GPR158: variants seen among roughly 807,000 people sequenced by gnomAD.
The protein encoded by GPR158 is metabotropic glycine receptor.
A neutral mutation model predicts 78.2 loss-of-function variants in GPR158; 30 were observed. The observed-to-expected ratio is 0.38, with a 90% CI of 0.29 to 0.52. The LOEUF (loss-of-function observed/expected upper bound fraction) is 0.52, where lower values mean the gene tolerates loss of function less well. Ranked by LOEUF, GPR158 falls within the 20% of genes least tolerant of loss-of-function variation. The pLI, the probability that GPR158 is intolerant of heterozygous loss-of-function variation, is 0.83. For synonymous variants in GPR158, 581 were observed against 591.1 expected (o/e 0.98, Z 0.25); for missense variants, 1,463 against 1,523.5 (o/e 0.96, Z 0.66).
intron 2 of GPR158, among the ~76,000 whole-genome samples, chr10:25,281,913 G>A (rs1477150126): frequency 6.6e-6 from 1 of 152,130 alleles, no homozygotes; most frequent in Non-Finnish European, 1.5e-5. Flanking sequence ...TGTAGACATA[G>A]AAATATAATC....
At chr10:25,186,221 C>T (rs574684802) in intron 1 of GPR158, among the ~76,000 whole-genome samples, 24 of 152,238 alleles carry the variant, frequency 1.6e-4, no homozygotes, top group African/African-American at 5.8e-4. Context: ...ACATTTAAAG[C>T]GGTGTGTAGA....
intron 3 of GPR158, among the ~76,000 whole-genome samples, chr10:25,398,385 C>G (rs905969218): frequency 6.6e-6 from 1 of 152,094 alleles, no homozygotes; most frequent in African/African-American, 2.4e-5. Flanking sequence ...TGGCATTTTT[C>G]ACGTTTATGG....
intron 7 of GPR158, among the ~76,000 whole-genome samples, chr10:25,584,418 G>A (rs1357597337): frequency 6.6e-6 from 1 of 152,078 alleles, no homozygotes; most frequent in African/African-American, 2.4e-5. Context: ...ATATTGTTTG[G>A]TATTGCTAAT....
intron 2 of GPR158, among the ~76,000 whole-genome samples, chr10:25,383,682 C>G (rs1773622): frequency 0.53 from 80,838 of 152,028 alleles, 25,308 homozygotes; most frequent in Non-Finnish European, 0.73. Flanking sequence ...AATTAATAAT[C>G]TTCCCTTATT....
At chr10:25,379,646 G>GCTT (rs1834127915) in intron 2 of GPR158, among the ~76,000 whole-genome samples, 1 of 44,802 alleles carries the variant, frequency 2.2e-5, no homozygotes, top group Non-Finnish European at 5.0e-5. Context: ...TTGAGGATTA[G>GCTT]CTTTTTTTTT....
At chr10:25,364,267 A>C (rs141776353) in intron 2 of GPR158, among the ~76,000 whole-genome samples, 50 of 152,008 alleles carry the variant, frequency 3.3e-4, no homozygotes, top group African/African-American at 1.1e-3. Flanking sequence ...CTTCTCAATG[A>C]TTCATCCAAA....
At chr10:25,295,259 C>T (rs1278894641) in intron 2 of GPR158, among the ~76,000 whole-genome samples, 1 of 152,196 alleles carries the variant, frequency 6.6e-6, no homozygotes, top group African/African-American at 2.4e-5. Context: ...TATCCATAGT[C>T]CAAACCATCA....
At chr10:25,367,286 C>A (rs1855737765) in intron 2 of GPR158, among the ~76,000 whole-genome samples, 1 of 151,644 alleles carries the variant, frequency 6.6e-6, no homozygotes, top group Non-Finnish European at 1.5e-5. Context: ...CATACATCAT[C>A]ACTCCTTGGG....
At chr10:25,243,236 T>C (rs1853648954) in intron 2 of GPR158, among the ~76,000 whole-genome samples, 2 of 152,248 alleles carry the variant, frequency 1.3e-5, no homozygotes, top group South Asian at 4.1e-4. Context: ...CTAGAATGTT[T>C]CTTTACCCTT....
At chr10:25,545,898 G>A (rs1461977967) in intron 5 of GPR158, among the ~76,000 whole-genome samples, 3 of 152,098 alleles carry the variant, frequency 2.0e-5, no homozygotes, top group Admixed American at 6.6e-5. Context: ...GCCCTCGTGC[G>A]CCTTTATAAA....
intron 2 of GPR158, among the ~76,000 whole-genome samples, chr10:25,251,446 T>C (rs1695059644): frequency 6.6e-6 from 1 of 152,108 alleles, no homozygotes; most frequent in African/African-American, 2.4e-5. Context: ...TTGCAGCGGC[T>C]GGTACTGGTT....
At chr10:25,358,020 G>T (rs1430494385) in intron 2 of GPR158, among the ~76,000 whole-genome samples, 3 of 152,134 alleles carry the variant, frequency 2.0e-5, no homozygotes. Flanking sequence ...TGACCTGCAT[G>T]TGAGACATGG....
intron 4 of GPR158, among the ~76,000 whole-genome samples, chr10:25,423,577 G>C (rs941045071): frequency 6.6e-6 from 1 of 151,936 alleles, no homozygotes; most frequent in African/African-American, 2.4e-5. Flanking sequence ...GATGTTTGCT[G>C]CCCTGTGTCC....
chr10:25,177,353 G>A (rs929342792), intron 1 of GPR158, among the ~76,000 whole-genome samples: 2 of 152,176 alleles, frequency 1.3e-5, no homozygotes, highest in Non-Finnish European at 2.9e-5. Context: ...GGCCCAAGAT[G>A]AACTGAGATC....
intron 2 of GPR158, among the ~76,000 whole-genome samples, chr10:25,306,250 G>C (rs1265443669): frequency 1.3e-5 from 2 of 152,060 alleles, no homozygotes; most frequent in African/African-American, 4.8e-5. Context: ...TTTATCTCTT[G>C]ATTGGCTTTT....
chr10:25,492,925 C>T lies in GPR158; in HGVS notation c.1404+26206C>T, dbSNP rs1198119307. On this transcript the variant is annotated intron_variant, in intron 5 of 10. Coordinates refer to ENST00000376351, the MANE Select transcript of GPR158 (RefSeq NM_020752.3). Reference sequence around the variant, plus strand: ...ATTAATATATAATATATTTCAATATCCAATTTTTGGATAAGAGACTGCCTA... The same window carrying T: ...ATTAATATATAATATATTTCAATATTCAATTTTTGGATAAGAGACTGCCTA... Among the ~76,000 whole-genome samples the T allele has an allele frequency of 3.3e-5, 5 of 149,290 alleles. No individual in the cohort carries two copies. The South Asian group carries it at 1.0e-3, about 31-fold the overall frequency.
At chr10:25,532,605 T>C (rs1008510039) in intron 5 of GPR158, among the ~76,000 whole-genome samples, 1 of 152,166 alleles carries the variant, frequency 6.6e-6, no homozygotes, top group Non-Finnish European at 1.5e-5. Flanking sequence ...TTCTCCACTT[T>C]GCTCTCTGAT....
At chr10:25,198,210 T>G (rs1852869736) in intron 1 of GPR158, among the ~76,000 whole-genome samples, 1 of 152,224 alleles carries the variant, frequency 6.6e-6, no homozygotes, top group African/African-American at 2.4e-5. Flanking sequence ...ATATATTTAT[T>G]GACTTTATCA....
At chr10:25,379,049 T>C (rs1760769) in intron 2 of GPR158, among the ~76,000 whole-genome samples, 100,525 of 152,008 alleles carry the variant, frequency 0.66, 34,314 homozygotes, top group Non-Finnish European at 0.75. Flanking sequence ...CCTTGGACTA[T>C]CAAAATGCTG....
Sources: allele counts gnomAD v4.1 joint callset (sites outside exome capture counted in the v4.1 genomes callset), GRCh38; gene constraint gnomAD v4.1.1; transcripts MANE v1.5; gene names NCBI Gene and HGNC (gene_info 2026-07-23, HGNC 2026-07-21).